CRISPLD2: variants seen among roughly 807,000 people sequenced by gnomAD.
The protein encoded by CRISPLD2 is cysteine-rich secretory protein LCCL domain-containing 2.
In CRISPLD2, 47 loss-of-function variants were observed where a neutral mutation model predicts 71.1. The ratio of observed to expected loss-of-function variants is 0.66; its 90% CI spans 0.52 to 0.84. The LOEUF is 0.84. Among genes scored for constraint, CRISPLD2 ranks in the 40% least tolerant of loss-of-function variants. The pLI is 0.00. For missense variants in CRISPLD2, 830 were observed against 651.1 expected, an observed-to-expected ratio of 1.27 and a Z score of -2.99; for synonymous variants, 317 against 250.1, an observed-to-expected ratio of 1.27 and a Z score of -2.52.
At chr16:84,842,337 CTCCT>C (rs1435307845) in intron 2 of CRISPLD2, 1 of 143,504 alleles carries the variant, frequency 7.0e-6, no homozygotes, top group Non-Finnish European at 1.5e-5. Flanking sequence ...CCCTCCCTCC[CTCCT>C]TCTTTCCTTC....
In CRISPLD2 at chr16:84,872,456, C is replaced by G; in HGVS notation, c.929C>G (p.Ala310Gly). ...TTCCTCGTCAGGTACCAGTGCCCAG[C>G]AGGCTGCCTGAACCACAAGGCGAAG... ...GSTCNRYQCP[A>G]GCLNHKAKIF... The change falls in exon 9 of 15, where the codon GCA becomes GGA. Residue 310 changes from alanine (A) to glycine (G), a missense_variant. Transcript: ENST00000262424. 2 of 1,613,878 alleles carry G rather than the reference C, an allele frequency of 1.2e-6. No homozygotes were observed. Among genetic ancestry groups the G allele is most frequent in the Middle Eastern group, 1.6e-4 (1 of 6,062 alleles).
chr16:84,837,987 G>A (rs930565275), intron 1 of CRISPLD2, among the ~76,000 whole-genome samples: 1 of 152,142 alleles, frequency 6.6e-6, no homozygotes, highest in Non-Finnish European at 1.5e-5. Flanking sequence ...GACTTCACAG[G>A]GACTAGAAGT....
At chr16:84,857,238 G>A (rs556625228) in intron 6 of CRISPLD2, among the ~76,000 whole-genome samples, 1 of 152,202 alleles carries the variant, frequency 6.6e-6, no homozygotes, top group African/African-American at 2.4e-5. Context: ...TTGTTCATGG[G>A]CCCATTGGGC....
Position 84,845,780 on chromosome 16 carries a change from C to T in CRISPLD2, c.241-6C>T. The T allele has an allele frequency of 3.1e-6, 5 of 1,605,448 alleles. No homozygotes were observed. Among genetic ancestry groups the T allele is most frequent in the Non-Finnish European group, 4.3e-6 (5 of 1,173,034 alleles). The stretch of plus-strand genomic sequence containing the variant: ...CTCCTGGTGCCCGTTTCTCCTTCTC[C>T]TGCAGACCTGGGATGACGAACTGGA... On this transcript the variant is annotated splice_region_variant and splice_polypyrimidine_tract_variant and intron_variant, in intron 2 of 14. Transcript: ENST00000262424.
At chr16:84,867,636 G>A (rs781591559) in intron 7 of CRISPLD2, among the ~76,000 whole-genome samples, 4 of 152,090 alleles carry the variant, frequency 2.6e-5, no homozygotes, top group Non-Finnish European at 5.9e-5. Context: ...GCATGATCTC[G>A]GCTCACTGCA....
intron 8 of CRISPLD2, among the ~76,000 whole-genome samples, chr16:84,871,799 G>A (rs1482156721): frequency 1.4e-5 from 2 of 144,536 alleles, no homozygotes; most frequent in African/African-American, 5.2e-5. Flanking sequence ...TGATCCACCT[G>A]CCTTGGCCTC....
At chr16:84,890,691 C>T (rs4783097) in intron 14 of CRISPLD2, among the ~76,000 whole-genome samples, 25,623 of 151,278 alleles carry the variant, frequency 0.17, 2,407 homozygotes, top group South Asian at 0.24. Flanking sequence ...CACCTGAGGT[C>T]AGGTGAGGCA....
At chr16:84,839,191 C>T in intron 2 of CRISPLD2, 1 of 345,964 alleles carries the variant, frequency 2.9e-6, no homozygotes, top group Non-Finnish European at 5.7e-6. Flanking sequence ...CTGGCTCTGG[C>T]TCTGTTCTTA....
chr16:84,870,176 T>G (rs2071453680), intron 8 of CRISPLD2, among the ~76,000 whole-genome samples: 1 of 152,174 alleles, frequency 6.6e-6, no homozygotes, highest in Non-Finnish European at 1.5e-5. Context: ...CATTAATAAT[T>G]ATTCAGGAAA....
rs141908116 is a variant in CRISPLD2, at chr16:84,839,984, A to C, written c.240+1249A>C. On this transcript the variant is annotated intron_variant, in intron 2 of 14. Coordinates refer to ENST00000262424, the MANE Select transcript of CRISPLD2 (RefSeq NM_031476.4). ...CAGTGAGCTGAGATTGCACCACTGC[A>C]CTCCAGCCTGGGTGACAGAGCAAGA... 172 of 150,018 alleles carry C rather than the reference A, an allele frequency of 1.1e-3. 2 individuals carry two copies. In the East Asian group the frequency reaches 0.015, roughly 13 times the overall value. The allele number at this position is 150,018 out of a possible 1,614,324, so 9.3% of individuals were successfully genotyped here. A position where few individuals can be genotyped will look rare whatever the true frequency, so the allele number is the denominator to read the frequency against.
In CRISPLD2 at chr16:84,908,942, G is replaced by A. The variant is rs2071829057; in HGVS notation, c.*2300G>A. On this transcript the variant is annotated 3_prime_UTR_variant, in exon 15 of 15. Transcript: ENST00000262424. ...TACCTCAGGTGATCCACCCACCTTGGCCTCCCGAAGTGCTGGGATTACAGG... is the reference window on the plus strand; with the variant it reads ...TACCTCAGGTGATCCACCCACCTTGACCTCCCGAAGTGCTGGGATTACAGG... The A allele has an allele frequency of 6.6e-6, 1 of 151,688 alleles. No homozygotes were observed. Among genetic ancestry groups the A allele is most frequent in the Non-Finnish European group, 1.5e-5 (1 of 67,960 alleles). 9.4% of individuals were successfully genotyped at this position (151,688 alleles called of 1,614,324 possible).
intron 1 of CRISPLD2, among the ~76,000 whole-genome samples, chr16:84,823,820 T>C (rs1263548898): frequency 6.6e-6 from 1 of 152,240 alleles, no homozygotes; most frequent in East Asian, 1.9e-4. Flanking sequence ...CCATCATTTT[T>C]TAAAAATTAT....
At chr16:84,824,022 C>G (rs756148661) in intron 1 of CRISPLD2, among the ~76,000 whole-genome samples, 1 of 152,124 alleles carries the variant, frequency 6.6e-6, no homozygotes, top group African/African-American at 2.4e-5. Flanking sequence ...GGACTGGGAG[C>G]TGGCATGGAG....
intron 1 of CRISPLD2, among the ~76,000 whole-genome samples, chr16:84,833,590 C>T (rs1197457219): frequency 6.6e-6 from 1 of 152,128 alleles, no homozygotes; most frequent in Non-Finnish European, 1.5e-5. Flanking sequence ...GCACTCGGGG[C>T]AGCCACCAAA....
At chr16:84,864,612 A>G (rs1189800568) in intron 6 of CRISPLD2, among the ~76,000 whole-genome samples, 1 of 152,212 alleles carries the variant, frequency 6.6e-6, no homozygotes, top group African/African-American at 2.4e-5. Context: ...CCCTCTTTGA[A>G]TGTCTTTAAG....
intron 5 of CRISPLD2, among the ~76,000 whole-genome samples, chr16:84,852,818 C>A (rs1024040434): frequency 6.6e-6 from 1 of 152,142 alleles, no homozygotes; most frequent in African/African-American, 2.4e-5. Context: ...CCTGTAATCC[C>A]AGCCTCCTTT....
rs779508715 is a variant in CRISPLD2 at position 84,838,755 on chromosome 16, G to A, written c.240+20G>A. On this transcript the variant is annotated intron_variant, in intron 2 of 14. Coordinates refer to ENST00000262424, the MANE Select transcript of CRISPLD2 (RefSeq NM_031476.4). ...TACATGGTGAGCGCCGGCTCCGGCC[G>A]CAGAGGCTGGCACCGGGGGTGGGGC... The A allele has an allele frequency of 1.2e-5, 19 of 1,601,066 alleles. No individual in the cohort carries two copies. The highest frequency in any genetic ancestry group is 6.7e-5 in the African/African-American group (5 of 74,742).
intron 6 of CRISPLD2, among the ~76,000 whole-genome samples, 162 bp downstream of exon 6, chr16:84,854,991 C>A (rs2646126): frequency 1.3e-5 from 2 of 151,962 alleles, no homozygotes; most frequent in African/African-American, 2.4e-5. Flanking sequence ...TGAGCTGAGC[C>A]TCATCTCCAG....
chr16:84,877,538 T>C (rs766199786), intron 12 of CRISPLD2, 28 bp downstream of exon 12: 3 of 1,607,940 alleles, frequency 1.9e-6, no homozygotes, highest in Non-Finnish European at 2.6e-6. Context: ...TGTCATCTTT[T>C]CTATGGAAGA....
Sources: allele counts gnomAD v4.1 joint callset (sites outside exome capture counted in the v4.1 genomes callset), GRCh38; gene constraint gnomAD v4.1.1; transcripts MANE v1.5; gene names NCBI Gene and HGNC (gene_info 2026-07-23, HGNC 2026-07-21).